Variants in HS6ST2 observed in about 807,000 individuals in gnomAD.
HS6ST2 encodes heparan sulfate 6-O-sulfotransferase 2, also known as heparan-sulfate 6-O-sulfotransferase 2.
Under a neutral mutation model 33.0 loss-of-function variants are expected in HS6ST2, and 17 were observed. The observed-to-expected ratio is 0.52, with a 90% CI of 0.35 to 0.77. The LOEUF (loss-of-function observed/expected upper bound fraction) is 0.77. HS6ST2 is among the 30% of genes least tolerant of loss of function. HS6ST2 has a pLI of 0.01. For synonymous variants in HS6ST2, 248 were observed against 237.1 expected (o/e 1.05, Z -0.42); for missense variants, 519 against 551.7 (o/e 0.94, Z 0.59).
chrX:132,628,816 G>C lies in HS6ST2; in HGVS notation c.1345C>G (p.Pro449Ala). 1 of 1,211,677 alleles carries C rather than the reference G, an allele frequency of 8.3e-7. No homozygotes were observed. The highest frequency in any genetic ancestry group is 1.1e-6 in the Non-Finnish European group (1 of 895,385). ...LVGCYNLSVM[P>A]EKQRNKVLLE... Reference sequence around the variant, plus strand: ...AGGACCTTGTTTCTTTGCTTTTCAGGCATGACAGAGAGGTTGTAGCAGCCT... The same window carrying C: ...AGGACCTTGTTTCTTTGCTTTTCAGCCATGACAGAGAGGTTGTAGCAGCCT... The change falls in exon 5 of 5, where the codon CCT becomes GCT. Residue 449 changes from proline (P) to alanine (A), a missense_variant. Coordinates refer to ENST00000370833, the MANE Select transcript of HS6ST2 (RefSeq NM_001394073.1).
At chrX:132,805,671 A>T (rs2065275167) in intron 2 of HS6ST2, among the ~76,000 whole-genome samples, 1 of 110,264 alleles carries the variant, frequency 9.1e-6, no homozygotes, top group Non-Finnish European at 1.9e-5. Context: ...GAATCTGAGG[A>T]CCAGAGCTCC....
chrX:132,751,744 C>A (rs2064709202), intron 2 of HS6ST2, among the ~76,000 whole-genome samples: 1 of 112,649 alleles, frequency 8.9e-6, no homozygotes. Context: ...GAGCCATTTC[C>A]CATGTATTAA....
intron 2 of HS6ST2, among the ~76,000 whole-genome samples, chrX:132,887,325 A>G (rs760912141): frequency 8.9e-6 from 1 of 112,098 alleles, no homozygotes; most frequent in Admixed American, 9.5e-5. Flanking sequence ...CAATAATGAG[A>G]ACATAAACCA....
intron 2 of HS6ST2, among the ~76,000 whole-genome samples, chrX:132,860,002 C>G (rs1433840554): frequency 9.0e-6 from 1 of 111,068 alleles, no homozygotes; most frequent in African/African-American, 3.3e-5. Context: ...TGTCAGAGTT[C>G]ACTAATGAAT....
At chrX:132,922,900 T>G (rs2066667615) in intron 2 of HS6ST2, among the ~76,000 whole-genome samples, 1 of 109,947 alleles carries the variant, frequency 9.1e-6, no homozygotes, top group Admixed American at 9.7e-5. Context: ...CTGTCTCTAC[T>G]AAAAATACAA....
intron 2 of HS6ST2, among the ~76,000 whole-genome samples, chrX:132,821,805 A>T (rs776733563): frequency 1.6e-3 from 179 of 111,111 alleles, no homozygotes; most frequent in African/African-American, 5.5e-3. Flanking sequence ...AGCCTGGGCA[A>T]CATGGCGAAA....
At chrX:132,957,479 G>C (rs1238484284) in intron 1 of HS6ST2, among the ~76,000 whole-genome samples, 153 bp from the exon 2 acceptor site, 1 of 108,958 alleles carries the variant, frequency 9.2e-6, no homozygotes, top group South Asian at 4.2e-4. Context: ...CTGCGGCGGC[G>C]GCTCCCTTCC....
At chrX:132,763,797 A>G (rs5975352) in intron 2 of HS6ST2, among the ~76,000 whole-genome samples, 16,479 of 111,369 alleles carry the variant, frequency 0.15, 1,004 homozygotes, top group East Asian at 0.29. Flanking sequence ...AGGTGTGAAG[A>G]GTTGTCATCC....
intron 3 of HS6ST2, among the ~76,000 whole-genome samples, chrX:132,696,740 G>C (rs2064107616): frequency 1.0e-5 from 1 of 95,373 alleles, no homozygotes; most frequent in Non-Finnish European, 2.1e-5. Context: ...CCAAACTTTG[G>C]TCATGTTTCG....
intron 2 of HS6ST2, among the ~76,000 whole-genome samples, chrX:132,929,352 C>T (rs1486554877): frequency 9.0e-6 from 1 of 110,512 alleles, no homozygotes; most frequent in African/African-American, 3.3e-5. Context: ...AAGCCAGGTG[C>T]CATGGTGTGA....
intron 2 of HS6ST2, among the ~76,000 whole-genome samples, chrX:132,874,537 C>T (rs2066092370): frequency 9.0e-6 from 1 of 111,716 alleles, no homozygotes; most frequent in Non-Finnish European, 1.9e-5. Flanking sequence ...GATCATGCCA[C>T]TGCACTCCAG....
At chrX:132,714,959 G>A (rs955214743) in intron 2 of HS6ST2, among the ~76,000 whole-genome samples, 1 of 112,007 alleles carries the variant, frequency 8.9e-6, no homozygotes, top group Non-Finnish European at 1.9e-5. Flanking sequence ...GTCACTCTCT[G>A]AGGTTATATT....
intron 2 of HS6ST2, among the ~76,000 whole-genome samples, chrX:132,873,093 A>G (rs1356906555): frequency 1.8e-5 from 2 of 111,827 alleles, no homozygotes; most frequent in African/African-American, 6.5e-5. Flanking sequence ...AAACGTTGTC[A>G]CTGGTAAACA....
chrX:132,845,308 T>A (rs1262450596), intron 2 of HS6ST2, among the ~76,000 whole-genome samples: 1 of 109,900 alleles, frequency 9.1e-6, no homozygotes, highest in East Asian at 2.8e-4. Context: ...GTGTTGCATG[T>A]GTGTATATAT....
At chrX:132,776,910 C>T (rs1021434840) in intron 2 of HS6ST2, among the ~76,000 whole-genome samples, 4 of 110,421 alleles carry the variant, frequency 3.6e-5, no homozygotes, top group South Asian at 3.9e-4. Context: ...AGCTCATTCA[C>T]GCCAGTGAAT....
At chrX:132,637,878 A>ATTTTATATAATATAT (rs1218862211) in intron 4 of HS6ST2, among the ~76,000 whole-genome samples, 20 of 43,049 alleles carry the variant, frequency 4.6e-4, no homozygotes, top group South Asian at 9.8e-4. Flanking sequence ...TATATATAAT[A>ATTTTATATAATATAT]TATATATAAT....
chrX:132,742,852 AG>A (rs1159280218), intron 2 of HS6ST2, among the ~76,000 whole-genome samples: 4 of 112,417 alleles, frequency 3.6e-5, no homozygotes, highest in Non-Finnish European at 7.5e-5. Flanking sequence ...TTAGGAGTTC[AG>A]GGTAAGCCTT....
At chrX:132,824,779 T>A (rs1440877602) in intron 2 of HS6ST2, among the ~76,000 whole-genome samples, 1 of 112,819 alleles carries the variant, frequency 8.9e-6, no homozygotes, top group Non-Finnish European at 1.9e-5. Context: ...AAAGATTTAC[T>A]GCATTAAAAA....
chrX:132,818,672 T>C (rs2065419723), intron 2 of HS6ST2, among the ~76,000 whole-genome samples: 1 of 111,578 alleles, frequency 9.0e-6, no homozygotes, highest in Admixed American at 9.5e-5. Context: ...AGGCAAGAGG[T>C]TGGTGTCCAC....
Sources: allele counts gnomAD v4.1 joint callset (sites outside exome capture counted in the v4.1 genomes callset), GRCh38; gene constraint gnomAD v4.1.1; transcripts MANE v1.5; gene names NCBI Gene and HGNC (gene_info 2026-07-23, HGNC 2026-07-21).